Variants in DST observed in about 807,000 individuals in gnomAD.
DST encodes the protein bullous pemphigoid antigen.
DST carries 253 observed loss-of-function variants against 875.2 expected under a neutral mutation model. The observed-to-expected ratio is 0.29, with a 90% CI of 0.26 to 0.32. DST has a LOEUF of 0.32. DST is among the 10% of genes least tolerant of loss of function. The pLI is 1.00. For synonymous variants in DST, 3,124 were observed against 3,197.1 expected, an observed-to-expected ratio of 0.98 and a Z score of 0.77; for missense variants, 8,287 against 9,111.6, an observed-to-expected ratio of 0.91 and a Z score of 3.68.
At chr6:56,678,251 T>C (rs947356271) in intron 9 of DST, among the ~76,000 whole-genome samples, 3 of 152,236 alleles carry the variant, frequency 2.0e-5, no homozygotes, top group Non-Finnish European at 4.4e-5. Context: ...CAGCCAGTCA[T>C]ACACCTACAT....
At chr6:56,953,652 T>C (rs1212832367) in intron 2 of DST, 133 bp downstream of exon 2, 1 of 572,370 alleles carries the variant, frequency 1.7e-6, no homozygotes, top group South Asian at 1.9e-5. Flanking sequence ...AAAGGAAACA[T>C]GCCACTTTCG....
intron 92 of DST, among the ~76,000 whole-genome samples, chr6:56,475,134 C>T (rs1194476937): frequency 6.6e-6 from 1 of 151,916 alleles, no homozygotes; most frequent in African/African-American, 2.4e-5. Context: ...ACTATCTTGC[C>T]ACTGCTTATC....
At chr6:56,847,512 T>C (rs1039770064) in intron 4 of DST, among the ~76,000 whole-genome samples, 1 of 152,178 alleles carries the variant, frequency 6.6e-6, no homozygotes, top group Non-Finnish European at 1.5e-5. Flanking sequence ...TCTTTACAGT[T>C]TCTGTCTTTC....
intron 4 of DST, among the ~76,000 whole-genome samples, chr6:56,751,502 T>A (rs2099587032): frequency 6.6e-6 from 1 of 152,228 alleles, no homozygotes; most frequent in African/African-American, 2.4e-5. Flanking sequence ...GTTTTGAGAA[T>A]CTCTCAATTT....
intron 34 of DST, among the ~76,000 whole-genome samples, chr6:56,625,774 G>T (rs1018189966): frequency 1.3e-5 from 2 of 151,082 alleles, no homozygotes; most frequent in African/African-American, 4.9e-5. Context: ...AACAGACTCA[G>T]ATAGGTCCTT....
At chr6:56,731,371 C>G (rs2099497652) in intron 5 of DST, among the ~76,000 whole-genome samples, 1 of 152,226 alleles carries the variant, frequency 6.6e-6, no homozygotes, top group African/African-American at 2.4e-5. Context: ...CACCACTGTG[C>G]CTGGCCCAGA....
At chr6:56,789,069 G>A (rs62411373) in intron 4 of DST, among the ~76,000 whole-genome samples, 8,459 of 152,248 alleles carry the variant, frequency 0.056, 353 homozygotes, top group Non-Finnish European at 0.088. Context: ...ATATATAGTG[G>A]TACAGTGGTT....
intron 4 of DST, among the ~76,000 whole-genome samples, chr6:56,833,767 T>C (rs929059222): frequency 1.4e-4 from 22 of 152,212 alleles, no homozygotes; most frequent in African/African-American, 5.3e-4. Flanking sequence ...AATCAGGTCC[T>C]TATTTATTTA....
At chr6:56,669,134 C>G (rs911068770) in intron 10 of DST, among the ~76,000 whole-genome samples, 1 of 151,848 alleles carries the variant, frequency 6.6e-6, no homozygotes, top group East Asian at 1.9e-4. Context: ...AGTAATCAAA[C>G]CATTAACTAT....
intron 2 of DST, among the ~76,000 whole-genome samples, chr6:56,943,017 G>A (rs1028313136): frequency 6.6e-6 from 1 of 151,634 alleles, no homozygotes; most frequent in Non-Finnish European, 1.5e-5. Context: ...TACCATATCC[G>A]GTCCAATATT....
chr6:56,615,283 G>C (rs2098602391), intron 36 of DST: 1 of 1,310,318 alleles, frequency 7.6e-7, no homozygotes, highest in African/African-American at 1.5e-5. Flanking sequence ...GTGTGGCCAA[G>C]TTTCAAAAAA....
At chr6:56,733,306 G>A (rs1484217144) in intron 5 of DST, among the ~76,000 whole-genome samples, 1 of 152,062 alleles carries the variant, frequency 6.6e-6, no homozygotes, top group Non-Finnish European at 1.5e-5. Flanking sequence ...TTTCTAAAAT[G>A]AATAAACTAA....
intron 36 of DST, chr6:56,615,292 A>T: frequency 7.4e-7 from 1 of 1,346,464 alleles, no homozygotes; most frequent in Non-Finnish European, 9.5e-7. Context: ...AGTTTCAAAA[A>T]ACCATTCTCA....
At chr6:56,826,907 A>T (rs1282954095) in intron 4 of DST, among the ~76,000 whole-genome samples, 1 of 152,210 alleles carries the variant, frequency 6.6e-6, no homozygotes, top group Admixed American at 6.5e-5. Context: ...TCTCAAAAGC[A>T]GTGCACGAGA....
At chr6:56,784,686 C>T (rs557914899) in intron 4 of DST, among the ~76,000 whole-genome samples, 2 of 152,280 alleles carry the variant, frequency 1.3e-5, no homozygotes, top group South Asian at 2.1e-4. Flanking sequence ...TCCTGTAGCT[C>T]GGAGTAGTTT....
intron 4 of DST, among the ~76,000 whole-genome samples, chr6:56,766,155 T>A (rs979632447): frequency 1.3e-5 from 2 of 152,244 alleles, no homozygotes; most frequent in Non-Finnish European, 2.9e-5. Flanking sequence ...AAAGCTTACA[T>A]GCCTGAGACT....
intron 49 of DST, among the ~76,000 whole-genome samples, chr6:56,579,811 C>A (rs912723848): frequency 2.6e-5 from 4 of 152,168 alleles, no homozygotes; most frequent in African/African-American, 9.7e-5. Flanking sequence ...TATCCCATAG[C>A]AATGGGGAGT....
intron 4 of DST, among the ~76,000 whole-genome samples, chr6:56,771,705 G>GA (rs1363396335): frequency 1.6e-4 from 25 of 152,204 alleles, no homozygotes; most frequent in African/African-American, 6.0e-4. Context: ...CAACTACAGG[G>GA]AAAAAACTGC....
intron 94 of DST, 65 bp from the exon 95 acceptor site, chr6:56,471,333 G>A: frequency 8.1e-7 from 1 of 1,230,806 alleles, no homozygotes; most frequent in Non-Finnish European, 1.1e-6. Flanking sequence ...TATACTATAT[G>A]AATAACTTTT....
Sources: gnomAD v4.1 joint callset for allele counts (sites outside exome capture counted in the v4.1 genomes callset) on GRCh38, gnomAD v4.1.1 for gene constraint, MANE v1.5 for transcripts, NCBI Gene and HGNC (gene_info 2026-07-23, HGNC 2026-07-21) for gene names.